CA10: variants seen among roughly 807,000 people sequenced by gnomAD.
CA10 encodes carbonic anhydrase 10 (inactive).
In CA10, 14 loss-of-function variants were observed where a neutral mutation model predicts 44.2. The ratio of observed to expected loss-of-function variants is 0.32; its 90% CI spans 0.21 to 0.50. CA10 has a LOEUF of 0.50. CA10 is among the 20% of genes least tolerant of loss of function. The probability of loss-of-function intolerance (pLI) is 0.99; values close to 1 mark genes in which losing one functional copy is unlikely to be tolerated. For missense variants in CA10, 350 were observed against 409.7 expected (o/e 0.85, Z 1.26); for synonymous variants, 159 against 141.6 (o/e 1.12, Z -0.87).
At chr17:52,099,439 T>G (rs865843342) in intron 1 of CA10, among the ~76,000 whole-genome samples, 1 of 152,226 alleles carries the variant, frequency 6.6e-6, no homozygotes, top group South Asian at 2.1e-4. Flanking sequence ...AGGCTCCAGA[T>G]AGAATTACTG....
intron 4 of CA10, among the ~76,000 whole-genome samples, chr17:51,715,204 CAG>C (rs1567814103): frequency 1.3e-5 from 2 of 151,784 alleles, no homozygotes; most frequent in Admixed American, 1.3e-4. Flanking sequence ...CATCACACAC[CAG>C]GGACTGTTGT....
At chr17:52,134,691 T>C (rs1413631899) in intron 1 of CA10, among the ~76,000 whole-genome samples, 2 of 152,188 alleles carry the variant, frequency 1.3e-5, no homozygotes, top group Non-Finnish European at 2.9e-5. Flanking sequence ...TATTTCTTTT[T>C]CTCTCCCCTC....
intron 2 of CA10, among the ~76,000 whole-genome samples, chr17:52,045,717 T>C (rs1046958959): frequency 9.2e-5 from 14 of 152,010 alleles, no homozygotes; most frequent in Admixed American, 9.2e-4. Flanking sequence ...AATCAGTTAA[T>C]GTACGGAAGA....
chr17:51,900,459 T>C (rs554814993), intron 3 of CA10, among the ~76,000 whole-genome samples: 2 of 152,118 alleles, frequency 1.3e-5, no homozygotes, highest in Non-Finnish European at 2.9e-5. Context: ...TACTTTAACA[T>C]TTGTTTCTTT....
At chr17:51,782,029 G>A (rs1025704049) in intron 3 of CA10, among the ~76,000 whole-genome samples, 4 of 152,168 alleles carry the variant, frequency 2.6e-5, no homozygotes, top group South Asian at 2.1e-4. Flanking sequence ...ACTGTCTTCC[G>A]ATGTTCTAAT....
intron 7 of CA10, among the ~76,000 whole-genome samples, chr17:51,635,170 G>A (rs1912769148): frequency 6.6e-6 from 1 of 152,132 alleles, no homozygotes; most frequent in Admixed American, 6.5e-5. Context: ...TTTATAAAAA[G>A]GGGAAATTTG....
chr17:51,894,508 C>A (rs1274478613), intron 3 of CA10, among the ~76,000 whole-genome samples: 1 of 152,038 alleles, frequency 6.6e-6, no homozygotes, highest in Non-Finnish European at 1.5e-5. Context: ...GGAGCCAGGG[C>A]TTCTGTCTTA....
chr17:51,823,301 C>T (rs568711401), intron 3 of CA10, among the ~76,000 whole-genome samples: 9 of 152,174 alleles, frequency 5.9e-5, no homozygotes, highest in Non-Finnish European at 1.0e-4. Context: ...CAGGAAGCCA[C>T]GGTGGGTGTA....
chr17:52,148,081 G>A (rs1369643089), intron 1 of CA10, among the ~76,000 whole-genome samples: 1 of 152,096 alleles, frequency 6.6e-6, no homozygotes, highest in Non-Finnish European at 1.5e-5. Context: ...GTTACAAAAG[G>A]CCAGAGGGGA....
At chr17:52,004,557 C>G (rs1450951964) in intron 2 of CA10, among the ~76,000 whole-genome samples, 2 of 151,926 alleles carry the variant, frequency 1.3e-5, no homozygotes, top group Admixed American at 1.3e-4. Flanking sequence ...TACAGCCATT[C>G]TACGCCTTAG....
chr17:51,965,915 G>C (rs990795286), intron 2 of CA10, among the ~76,000 whole-genome samples: 7 of 151,852 alleles, frequency 4.6e-5, no homozygotes, highest in African/African-American at 1.4e-4. Flanking sequence ...AGGAAGAAAG[G>C]AAGTAAAACT....
intron 4 of CA10, among the ~76,000 whole-genome samples, chr17:51,661,156 C>T (rs537571912): frequency 1.3e-5 from 2 of 152,298 alleles, no homozygotes; most frequent in South Asian, 2.1e-4. Context: ...TAGGCTTCAT[C>T]CAGGCATGGG....
intron 2 of CA10, among the ~76,000 whole-genome samples, chr17:51,946,767 G>A (rs1983289944): frequency 6.6e-6 from 1 of 152,132 alleles, no homozygotes; most frequent in Non-Finnish European, 1.5e-5. Flanking sequence ...TTTGTAACAT[G>A]TCTTATAACA....
intron 1 of CA10, among the ~76,000 whole-genome samples, chr17:52,116,409 T>C (rs1988898182): frequency 6.6e-6 from 1 of 152,022 alleles, no homozygotes; most frequent in Admixed American, 6.6e-5. Context: ...CAAACTCCAT[T>C]CCAAGCTTTG....
chr17:52,150,989 G>C (rs1371279275), intron 1 of CA10, among the ~76,000 whole-genome samples: 1 of 151,996 alleles, frequency 6.6e-6, no homozygotes, highest in African/African-American at 2.4e-5. Flanking sequence ...TGATCTATTA[G>C]GTCAGGATTT....
chr17:51,674,383 C>T (rs544961582), intron 4 of CA10, among the ~76,000 whole-genome samples: 6 of 152,292 alleles, frequency 3.9e-5, no homozygotes, highest in Middle Eastern at 3.4e-3. Context: ...CTTGAACAAG[C>T]ACTTTATCCT....
chr17:51,904,440 C>T (rs924181951), intron 3 of CA10, among the ~76,000 whole-genome samples: 1 of 152,036 alleles, frequency 6.6e-6, no homozygotes, highest in African/African-American at 2.4e-5. Context: ...AGCTTTGGGG[C>T]TGAATACTCA....
At chr17:51,753,182 C>T (rs1286465474) in intron 3 of CA10, among the ~76,000 whole-genome samples, 3 of 152,096 alleles carry the variant, frequency 2.0e-5, no homozygotes, top group Non-Finnish European at 4.4e-5. Flanking sequence ...CTGGTTGGAG[C>T]TACGTATATT....
intron 4 of CA10, among the ~76,000 whole-genome samples, chr17:51,735,397 G>A (rs1916867193): frequency 6.6e-6 from 1 of 152,054 alleles, no homozygotes; most frequent in African/African-American, 2.4e-5. Flanking sequence ...CAGGGAGAGA[G>A]GGAAGCAAGC....
Sources: gnomAD v4.1 joint callset for allele counts (sites outside exome capture counted in the v4.1 genomes callset) on GRCh38, gnomAD v4.1.1 for gene constraint, MANE v1.5 for transcripts, NCBI Gene and HGNC (gene_info 2026-07-23, HGNC 2026-07-21) for gene names.